The following NUP205 variants were observed in gnomAD, a reference collection of about 807,000 sequenced individuals.
NUP205 encodes nuclear pore complex protein Nup205.
Under a neutral mutation model 253.8 loss-of-function variants are expected in NUP205, and 76 were observed. The observed-to-expected ratio is 0.30, with a 90% CI of 0.25 to 0.36. The LOEUF (loss-of-function observed/expected upper bound fraction) is 0.36. Ranked by LOEUF, NUP205 falls within the 10% of genes least tolerant of loss-of-function variation. The pLI is 1.00. For missense variants in NUP205, 2,162 were observed against 2,425.5 expected (o/e 0.89, Z 2.28); for synonymous variants, 832 against 850.1 (o/e 0.98, Z 0.37).
At chr7:135,591,398 C>T in intron 10 of NUP205, 52 bp from the exon 11 acceptor site, 1 of 1,522,812 alleles carries the variant, frequency 6.6e-7, no homozygotes. Flanking sequence ...GTCCGTGTTG[C>T]CTTAAAGTTA....
In NUP205 at chr7:135,587,677, C is replaced by A; in HGVS notation, c.1321C>A (p.His441Asn). The A allele has an allele frequency of 1.3e-6, 2 of 1,596,808 alleles. No homozygotes were observed. Among genetic ancestry groups the A allele is most frequent in the Non-Finnish European group, 1.7e-6 (2 of 1,170,442 alleles). The change falls in exon 9 of 43, where the codon CAC becomes AAC. Residue 441 changes from histidine to asparagine, a missense_variant. Transcript: ENST00000285968. The part of the protein sequence containing the change: ...PPISLRRDLE[H>N]LMLLIGELYK... The stretch of plus-strand genomic sequence containing the variant: ...CATTTCACTTAGAAGGGACCTGGAA[C>A]ACTTAATGCTTTTGGTAAGCCATTA...
chr7:135,590,403 T>C (rs1027968356), intron 10 of NUP205, among the ~76,000 whole-genome samples: 5 of 152,188 alleles, frequency 3.3e-5, no homozygotes, highest in Non-Finnish European at 1.5e-5. Flanking sequence ...CGTGAGCCAC[T>C]GTGCCCAGCC....
chr7:135,569,987 T>C (rs1442544693), intron 1 of NUP205, among the ~76,000 whole-genome samples: 1 of 148,692 alleles, frequency 6.7e-6, no homozygotes, highest in East Asian at 2.0e-4. Context: ...TTTATCTCAT[T>C]TGAAAAACTT....
intron 15 of NUP205, among the ~76,000 whole-genome samples, chr7:135,600,147 C>T (rs977246291): frequency 6.6e-6 from 1 of 152,112 alleles, no homozygotes; most frequent in African/African-American, 2.4e-5. Flanking sequence ...TATTAAAATT[C>T]TATGTAGTGG....
intron 1 of NUP205, among the ~76,000 whole-genome samples, chr7:135,567,150 A>T (rs1398018427): frequency 1.2e-5 from 1 of 84,708 alleles, no homozygotes; most frequent in Non-Finnish European, 2.4e-5. Flanking sequence ...ATATATATAT[A>T]TATATATATA....
At chr7:135,569,620 A>T (rs1215968615) in intron 1 of NUP205, among the ~76,000 whole-genome samples, 1 of 151,938 alleles carries the variant, frequency 6.6e-6, no homozygotes, top group South Asian at 2.1e-4. Flanking sequence ...GGAGGAAGCC[A>T]TAGTGCTAAC....
At chr7:135,614,465 A>T (rs1485268314) in intron 23 of NUP205, among the ~76,000 whole-genome samples, 192 bp downstream of exon 23, 2 of 152,220 alleles carry the variant, frequency 1.3e-5, no homozygotes, top group Admixed American at 1.3e-4. Context: ...TTATTTAAAT[A>T]TAGCCTATCA....
Position 135,606,626 on chromosome 7 carries a change from T to C in NUP205, c.2906-125T>C, listed in dbSNP as rs562845900. 18 of 696,662 alleles carry C rather than the reference T, an allele frequency of 2.6e-5. No individual in the cohort carries two copies. The South Asian group carries it at 3.2e-4, about 12-fold the overall frequency. 43.2% of individuals were successfully genotyped at this position (696,662 alleles called of 1,614,324 possible). ...ACTTTAAATAAATCTGAAATGAATG[T>C]GATAGATAATCAGGCAAACGATCTA... On this transcript the variant is annotated intron_variant, in intron 20 of 42. Transcript: ENST00000285968.
At chr7:135,628,176 C>T in intron 34 of NUP205, 65 bp downstream of exon 34, 1 of 1,480,406 alleles carries the variant, frequency 6.8e-7, no homozygotes, top group Non-Finnish European at 9.3e-7. Flanking sequence ...GTACAGAAAC[C>T]TTACACACAT....
rs745741717 is a variant in NUP205 at position 135,630,429 on chromosome 7, T to G, written c.5018T>G (p.Leu1673Trp). 4.3e-6 allele frequency: 7 copies of G among 1,610,726 alleles called. No homozygotes were observed. The highest frequency in any genetic ancestry group is 1.3e-5 in the African/African-American group (1 of 74,830). ...GTTAGTGCTGGGTCTTTGCAGGAAT[T>G]GGCTCTGCTGACAGGAATTATAAGT... Reference protein sequence around the residue: ...QDVSAGSLQELALLTGIISKA... With the variant: ...QDVSAGSLQEWALLTGIISKA... The change falls in exon 35 of 43, where the codon TTG becomes TGG. Residue 1673 changes from leucine to tryptophan, a missense_variant. Leu to Trp is a moderately conservative substitution (Grantham distance 61). Transcript: ENST00000285968.
At chr7:135,626,483 G>C (rs1794592265) in intron 33 of NUP205, 122 bp downstream of exon 33, 4 of 1,057,448 alleles carry the variant, frequency 3.8e-6, no homozygotes, top group Middle Eastern at 2.9e-4. Context: ...GGGTTTTTTT[G>C]GTCATACTGT....
At chr7:135,617,727 T>A (rs1794391347) in intron 27 of NUP205, 45 bp downstream of exon 27, 1 of 1,273,268 alleles carries the variant, frequency 7.9e-7, no homozygotes. Context: ...TCTAACTACT[T>A]AGGTTGCTGG....
In NUP205 at chr7:135,636,567, A is replaced by G. The variant is rs181659423; in HGVS notation, c.5136+910A>G. Reference sequence around the variant, plus strand: ...AAGACACCTTTTTGATGGATCTTTCATAAGGTGAGCTTCGGAAATGTTTGA... The same window carrying G: ...AAGACACCTTTTTGATGGATCTTTCGTAAGGTGAGCTTCGGAAATGTTTGA... On this transcript the variant is annotated intron_variant, in intron 36 of 42. Coordinates refer to ENST00000285968, the MANE Select transcript of NUP205 (RefSeq NM_015135.3). 5.5e-4 allele frequency among the ~76,000 whole-genome samples: 84 copies of G among 152,318 alleles called. 2 individuals carry two copies. Among genetic ancestry groups the G allele is most frequent in the Admixed American group, 4.2e-3 (65 of 15,296 alleles).
chr7:135,588,690 T>C (rs139693060), intron 10 of NUP205, among the ~76,000 whole-genome samples: 1,611 of 151,280 alleles, frequency 0.011, 78 homozygotes, highest in African/African-American at 0.037. Context: ...GCATGAGCAC[T>C]GTGCCCCACT....
intron 17 of NUP205, 136 bp from the exon 18 acceptor site, chr7:135,602,669 G>T: frequency 1.4e-6 from 1 of 689,958 alleles, no homozygotes; most frequent in Non-Finnish European, 2.4e-6. Flanking sequence ...AGGTTTTGCT[G>T]CTGAAAGTTG....
At chr7:135,617,038 C>T (rs1374210157) in intron 25 of NUP205, 52 bp from the exon 26 acceptor site, 1 of 1,363,500 alleles carries the variant, frequency 7.3e-7, no homozygotes, top group African/African-American at 1.5e-5. Context: ...TGATGGCTTG[C>T]CTTTCTTTTC....
At chr7:135,566,814 T>G (rs1355280278) in intron 1 of NUP205, among the ~76,000 whole-genome samples, 2 of 152,138 alleles carry the variant, frequency 1.3e-5, no homozygotes, top group Non-Finnish European at 2.9e-5. Context: ...CTCGGCTCAC[T>G]GCAACCTCTG....
In NUP205 at chr7:135,570,081, A is replaced by AGAGG. The variant is rs1554456257; in HGVS notation, c.29-1021_29-1020insGGAG. On this transcript the variant is annotated intron_variant, in intron 1 of 42. Coordinates refer to ENST00000285968, the MANE Select transcript of NUP205 (RefSeq NM_015135.3). ...GAGAGAGAGAGAGAGAGAGAGAGAGAGAGAGAGAGAGAGAAACTGAAGTTT... is the reference window on the plus strand; with the variant it reads ...GAGAGAGAGAGAGAGAGAGAGAGAGAGAGGGAGAGAGAGAGAGAAACTGAAGTTT... Among the ~76,000 whole-genome samples the AGAGG allele has an allele frequency of 8.4e-4, 126 of 149,758 alleles. 1 individual carries two copies. Among genetic ancestry groups the AGAGG allele is most frequent in the Admixed American group, 2.0e-3 (30 of 14,958 alleles).
chr7:135,580,898 T>C lies in NUP205; in HGVS notation c.1042+1983T>C, dbSNP rs554938835. Among the ~76,000 whole-genome samples the C allele has an allele frequency of 2.0e-5, 3 of 152,284 alleles. No individual in the cohort carries two copies. In the East Asian group the frequency reaches 5.8e-4, roughly 29 times the overall value. ...TTTTGAAAGGTTTAATAGAATATGC[T>C]ATAGTTTGCTGTAGAATAATAGTAA... On this transcript the variant is annotated intron_variant, in intron 7 of 42. Coordinates refer to ENST00000285968, the MANE Select transcript of NUP205 (RefSeq NM_015135.3).
Sources: gnomAD v4.1 joint callset for allele counts (sites outside exome capture counted in the v4.1 genomes callset) on GRCh38, gnomAD v4.1.1 for gene constraint, MANE v1.5 for transcripts, NCBI Gene and HGNC (gene_info 2026-07-23, HGNC 2026-07-21) for gene names.